Variants in TERF1 observed in about 807,000 individuals in gnomAD.
TERF1 encodes telomeric repeat-binding factor 1.
In TERF1, 20 loss-of-function variants were observed where a neutral mutation model predicts 55.1. The ratio of observed to expected loss-of-function variants is 0.36; its 90% CI spans 0.26 to 0.53. The LOEUF (loss-of-function observed/expected upper bound fraction) is 0.53, where lower values mean the gene tolerates loss of function less well. TERF1 is among the 20% of genes least tolerant of loss of function. TERF1 has a pLI of 0.91. For missense variants in TERF1, 439 were observed against 535.7 expected (o/e 0.82, Z 1.78); for synonymous variants, 168 against 181.2 (o/e 0.93, Z 0.59).
intron 6 of TERF1, 51 bp from the exon 7 acceptor site, chr8:73,030,285 A>G (rs779191169): frequency 1.1e-5 from 13 of 1,232,112 alleles, no homozygotes. Flanking sequence ...TACTATCCTT[A>G]TGAAAAGTTT....
chr8:73,037,907 TGATATAA>T (rs890048471), intron 8 of TERF1, among the ~76,000 whole-genome samples: 1 of 123,324 alleles, frequency 8.1e-6, no homozygotes, highest in African/African-American at 3.1e-5. Context: ...TATATAAATA[TGATATAA>T]TATATAATAT....
intron 8 of TERF1, among the ~76,000 whole-genome samples, chr8:73,037,920 AAT>A (rs1336714357): frequency 1.6e-5 from 2 of 128,252 alleles, no homozygotes; most frequent in Admixed American, 1.0e-4. Flanking sequence ...TATAATATAT[AAT>A]ATATATAAAT....
chr8:73,013,830 A>C (rs964586710), intron 1 of TERF1, 65 bp from the exon 2 acceptor site: 5 of 980,698 alleles, frequency 5.1e-6, no homozygotes, highest in Middle Eastern at 2.2e-4. Context: ...TTACTCAACA[A>C]ACCACACAGT....
chr8:73,039,368 G>T, intron 9 of TERF1, 149 bp downstream of exon 9: 1 of 556,006 alleles, frequency 1.8e-6, no homozygotes, highest in Non-Finnish European at 3.2e-6. Context: ...TTAGATAGGT[G>T]ACTAATCAGC....
intron 5 of TERF1, among the ~76,000 whole-genome samples, chr8:73,026,628 A>G (rs1172884479): frequency 7.8e-6 from 1 of 128,300 alleles, no homozygotes; most frequent in Non-Finnish European, 1.7e-5. Context: ...GAAAATATCT[A>G]GAATTTTTAT....
intron 2 of TERF1, among the ~76,000 whole-genome samples, chr8:73,020,305 A>G (rs1281428316): frequency 6.6e-6 from 1 of 152,224 alleles, no homozygotes; most frequent in African/African-American, 2.4e-5. Flanking sequence ...TCTGTGAGAT[A>G]GTATTTATTC....
Position 73,022,276 on chromosome 8 carries a change from A to G in TERF1, c.598A>G (p.Ile200Val). 1 of 1,589,674 alleles carries G rather than the reference A, an allele frequency of 6.3e-7. No homozygotes were observed. Among genetic ancestry groups the G allele is most frequent in the South Asian group, 1.2e-5 (1 of 85,672 alleles). Residue 200 changes from isoleucine (I) to valine (V), a missense_variant, in exon 4 of 10, where the codon ATA (isoleucine) becomes GTA (valine). By Grantham distance (29) the Ile-to-Val change is conservative. Coordinates refer to ENST00000276603, the MANE Select transcript of TERF1 (RefSeq NM_017489.3). Reference protein sequence around the residue: ...FKEAEEVFERIFGDPNSHMPF... With the variant: ...FKEAEEVFERVFGDPNSHMPF... ...AGAAGCAGAAGAAGTCTTTGAAAGA[A>G]TATTTGGTGATCCAAATTCTCATAT...
rs147608592 is a variant in TERF1, at chr8:73,022,291, A to C, written c.613A>C (p.Asn205His). The change falls in exon 4 of 10, where the codon AAT (asparagine) becomes CAT (histidine). Residue 205 changes from asparagine (N) to histidine (H), a missense_variant. Around this residue, in one of 4 missense-constraint regions of TERF1, gnomAD observed 95 missense variants for 167.2 expected, o/e 0.57. Coordinates refer to ENST00000276603, the MANE Select transcript of TERF1 (RefSeq NM_017489.3). ...EVFERIFGDP[N>H]SHMPFKSKLL... ...CTTTGAAAGAATATTTGGTGATCCA[A>C]ATTCTCATATGGTAATTATTTAAAT... 1 of 1,573,694 alleles carries C rather than the reference A, an allele frequency of 6.4e-7. No homozygotes were observed. Among genetic ancestry groups the C allele is most frequent in the Admixed American group, 1.9e-5 (1 of 53,054 alleles).
rs557778695 is a variant in TERF1, at chr8:73,032,606, A to G, written c.1039+473A>G. Among the ~76,000 whole-genome samples, 6 of 151,924 alleles carry G rather than the reference A, an allele frequency of 3.9e-5. No individual in the cohort carries two copies. The South Asian group carries it at 1.2e-3, about 32-fold the overall frequency. On this transcript the variant is annotated intron_variant, in intron 8 of 9. Coordinates refer to ENST00000276603, the MANE Select transcript of TERF1 (RefSeq NM_017489.3). ...ATATATATATATGTATGTTTGTGTA[A>G]GTGTACTCTTAATAATGTTCACATA...
chr8:73,016,578 G>T (rs1437400363), intron 2 of TERF1, among the ~76,000 whole-genome samples: 1 of 151,942 alleles, frequency 6.6e-6, no homozygotes, highest in East Asian at 1.9e-4. Context: ...GACTACAGGT[G>T]CACCATCAGG....
At chr8:73,031,966 G>A in intron 7 of TERF1, 76 bp from the exon 8 acceptor site, 1 of 1,009,716 alleles carries the variant, frequency 9.9e-7, no homozygotes, top group Admixed American at 2.1e-5. Context: ...AACAGATTAA[G>A]GCAAATCATT....
chr8:73,031,370 G>A (rs1274759146), intron 7 of TERF1: 2 of 152,264 alleles, frequency 1.3e-5, no homozygotes, highest in African/African-American at 4.8e-5. Flanking sequence ...GAGGGACAGA[G>A]GGGAAGAGAG....
chr8:73,018,425 CA>C (rs1808614958), intron 2 of TERF1, among the ~76,000 whole-genome samples: 2 of 152,200 alleles, frequency 1.3e-5, no homozygotes, highest in Admixed American at 6.5e-5. Context: ...CCTGTAATCC[CA>C]GCACTTTGGG....
intron 8 of TERF1, among the ~76,000 whole-genome samples, chr8:73,033,745 A>G (rs907383755): frequency 5.3e-5 from 8 of 152,160 alleles, no homozygotes; most frequent in Non-Finnish European, 1.2e-4. Flanking sequence ...GCAAACTCGA[A>G]GACTATAAAC....
intron 7 of TERF1, 55 bp from the exon 8 acceptor site, chr8:73,031,987 C>A: frequency 1.6e-6 from 2 of 1,226,072 alleles, no homozygotes; most frequent in Non-Finnish European, 1.2e-6. Context: ...TACCTGTTTT[C>A]CATTGCCTTA....
chr8:73,045,570 A>G (rs992315831), intron 9 of TERF1, among the ~76,000 whole-genome samples: 7 of 152,192 alleles, frequency 4.6e-5, no homozygotes, highest in Non-Finnish European at 8.8e-5. Context: ...CAGGTTTTTC[A>G]CTGAGTTCAT....
intron 8 of TERF1, among the ~76,000 whole-genome samples, chr8:73,032,510 G>A (rs996088506): frequency 2.6e-5 from 4 of 152,064 alleles, no homozygotes; most frequent in Admixed American, 1.3e-4. Flanking sequence ...TATTGGCATT[G>A]CATATCAAGT....
chr8:73,038,895 A>G (rs1809715373), intron 8 of TERF1: 2 of 531,454 alleles, frequency 3.8e-6, no homozygotes, highest in Admixed American at 4.6e-5. Context: ...ATTTATTTAA[A>G]GACATATAAA....
chr8:73,009,328 A>C (rs1426728490), intron 1 of TERF1, 123 bp downstream of exon 1: 11 of 797,136 alleles, frequency 1.4e-5, no homozygotes, highest in Non-Finnish European at 7.6e-6. Context: ...ATTAGCTGGG[A>C]GTCCGAGGCT....
Sources: gnomAD v4.1 joint callset for allele counts (sites outside exome capture counted in the v4.1 genomes callset) on GRCh38, gnomAD v4.1.1 for gene constraint, gnomAD v4.1.1 regional missense constraint, MANE v1.5 for transcripts, NCBI Gene and HGNC (gene_info 2026-07-23, HGNC 2026-07-21) for gene names.